The following PPP5C variants were observed in gnomAD, a reference collection of about 807,000 sequenced individuals.
PPP5C encodes the protein serine/threonine-protein phosphatase 5.
In PPP5C, 21 loss-of-function variants were observed where a neutral mutation model predicts 66.7. The ratio of observed to expected loss-of-function variants is 0.31; its 90% CI spans 0.22 to 0.45. The LOEUF is 0.45. Among genes scored for constraint, PPP5C ranks in the 20% least tolerant of loss-of-function variants. The pLI, the probability that PPP5C is intolerant of heterozygous loss-of-function variation, is 1.00. For synonymous variants in PPP5C, 246 were observed against 257.4 expected (o/e 0.96, Z 0.43); for missense variants, 464 against 675.9 (o/e 0.69, Z 3.48).
intron 11 of PPP5C, 119 bp from the exon 12 acceptor site, chr19:46,389,932 C>T (rs1972983126): frequency 2.4e-6 from 2 of 820,074 alleles, no homozygotes; most frequent in African/African-American, 1.7e-5. Flanking sequence ...CCATCTGTGT[C>T]TGTTGTGGCT....
intron 2 of PPP5C, among the ~76,000 whole-genome samples, chr19:46,373,840 TA>T (rs1029139066): frequency 6.6e-6 from 1 of 151,976 alleles, no homozygotes; most frequent in Non-Finnish European, 1.5e-5. Context: ...TGGGGCTTCC[TA>T]GAGGAGGGAT....
In PPP5C at chr19:46,388,579, C is replaced by G. The variant is rs576123813; in HGVS notation, c.1203C>G (p.Gly401=). The G allele has an allele frequency of 6.2e-7, 1 of 1,614,078 alleles. No individual in the cohort carries two copies. Among genetic ancestry groups the G allele is most frequent in the South Asian group, 1.1e-5 (1 of 91,078 alleles). ...ACGGGCGCTCGATCAGCAAGCGGGG[C>G]GTGAGCTGTCAGTTTGGGCCTGACG... ...PQNGRSISKR[G]VSCQFGPDVT... Residue 401 remains glycine (G), a synonymous_variant, in exon 11 of 13, where the codon GGC becomes GGG. Coordinates refer to ENST00000012443, the MANE Select transcript of PPP5C (RefSeq NM_006247.4). The surrounding 1 kb of genome is among the most constrained non-coding windows in gnomAD (Gnocchi z 4.9).
rs1001667077 is a variant in PPP5C, at chr19:46,351,190, C to G, written c.122-2558C>G. ...GGCTGCCTGGGTTCAAACCCTATGT[C>G]TTCCTTTACCTGCTTGATGACGCCT... is the stretch of plus-strand genomic sequence containing the variant. On this transcript the variant is annotated intron_variant, in intron 1 of 12. Coordinates refer to ENST00000012443, the MANE Select transcript of PPP5C (RefSeq NM_006247.4). Among the ~76,000 whole-genome samples the G allele has an allele frequency of 2.6e-5, 4 of 152,316 alleles. No homozygotes were observed. In the East Asian group the frequency reaches 7.7e-4, roughly 29 times the overall value.
At chr19:46,360,030 C>T (rs375851113) in intron 2 of PPP5C, among the ~76,000 whole-genome samples, 1 of 152,042 alleles carries the variant, frequency 6.6e-6, no homozygotes, top group South Asian at 2.1e-4. Flanking sequence ...CCACCTGCCT[C>T]GGCCTCACAG....
chr19:46,389,965 C>T, intron 11 of PPP5C, 86 bp from the exon 12 acceptor site: 1 of 1,218,096 alleles, frequency 8.2e-7, no homozygotes, highest in Non-Finnish European at 1.2e-6. Flanking sequence ...CTCCCTCTGT[C>T]CCTTCTTGCC....
At position 46,386,342 on chromosome 19, in the gene PPP5C, A is replaced by G. The variant is rs187343607; in HGVS notation, c.905-751A>G. Among the ~76,000 whole-genome samples, 10 of 152,288 alleles carry G rather than the reference A, an allele frequency of 6.6e-5. 1 individual carries two copies. The East Asian group carries it at 1.9e-3, about 29-fold the overall frequency. On this transcript the variant is annotated intron_variant, in intron 7 of 12. Transcript: ENST00000012443. ...AGTGATAGGCTGGGGCGAAGCCTGC[A>G]TGCCCGTGTCCCTGGGCTCACAGGG...
At position 46,361,977 on chromosome 19, in the gene PPP5C, C is replaced by G. The variant is rs560818227; in HGVS notation, c.363+7988C>G. On this transcript the variant is annotated intron_variant, in intron 2 of 12. Transcript: ENST00000012443. ...TCCATTCTTTTTTCTCCCTACTTTCCATATCTATTCAGTTTATCTCATTTT... is the reference window on the plus strand; with the variant it reads ...TCCATTCTTTTTTCTCCCTACTTTCGATATCTATTCAGTTTATCTCATTTT... 2.6e-5 allele frequency among the ~76,000 whole-genome samples: 4 copies of G among 152,242 alleles called. No homozygotes were observed. In the East Asian group the frequency reaches 7.7e-4, roughly 29 times the overall value.
intron 7 of PPP5C, among the ~76,000 whole-genome samples, chr19:46,385,961 A>AT (rs1491338138): frequency 1.4e-5 from 1 of 70,484 alleles, no homozygotes; most frequent in African/African-American, 4.6e-5. Flanking sequence ...AAAAAAAAAA[A>AT]AGTAAGAAAC....
intron 4 of PPP5C, among the ~76,000 whole-genome samples, chr19:46,381,212 T>A (rs914451734): frequency 6.6e-6 from 1 of 151,330 alleles, no homozygotes; most frequent in African/African-American, 2.4e-5. Context: ...GTGTTTTTTT[T>A]AATAGACTTT....
chr19:46,369,489 G>A (rs1210977446), intron 2 of PPP5C, among the ~76,000 whole-genome samples: 6 of 151,660 alleles, frequency 4.0e-5, no homozygotes, highest in African/African-American at 9.7e-5. Context: ...AAAATTAGCC[G>A]GGCGTGGTGG....
At chr19:46,385,071 C>A in intron 7 of PPP5C, 162 bp downstream of exon 7, 1 of 601,560 alleles carries the variant, frequency 1.7e-6, no homozygotes, top group Non-Finnish European at 3.0e-6. Flanking sequence ...ACAAAAGCAT[C>A]ACACCAAAGG....
At chr19:46,363,977 A>T (rs547538385) in intron 2 of PPP5C, among the ~76,000 whole-genome samples, 7 of 152,328 alleles carry the variant, frequency 4.6e-5, no homozygotes, top group Admixed American at 3.3e-4. Context: ...AGGTTCACTC[A>T]TGTGATACCA....
intron 2 of PPP5C, among the ~76,000 whole-genome samples, chr19:46,364,036 G>C (rs995230286): frequency 1.3e-5 from 2 of 152,072 alleles, no homozygotes; most frequent in African/African-American, 4.8e-5. Context: ...CAAAGAACAG[G>C]ACTTAGAGGA....
intron 4 of PPP5C, among the ~76,000 whole-genome samples, chr19:46,377,405 G>A (rs190143541): frequency 7.5e-4 from 114 of 152,284 alleles, no homozygotes; most frequent in African/African-American, 2.3e-3. Context: ...TCAGTGCTTC[G>A]AATAGTGCCT....
In PPP5C at chr19:46,376,421, C is replaced by G; in HGVS notation, c.512-32C>G. ...TTCTCCCTCATAGTGGCTGTGGTCACTGACTCTCGTGTCCCGTTGTTCACA... is the reference window on the plus strand; with the variant it reads ...TTCTCCCTCATAGTGGCTGTGGTCAGTGACTCTCGTGTCCCGTTGTTCACA... On this transcript the variant is annotated intron_variant, in intron 3 of 12. Coordinates refer to ENST00000012443, the MANE Select transcript of PPP5C (RefSeq NM_006247.4). The surrounding 1 kb of genome is among the most constrained non-coding windows in gnomAD (Gnocchi z 5.1). 1.2e-6 allele frequency: 2 copies of G among 1,609,318 alleles called. No individual in the cohort carries two copies. The highest frequency in any genetic ancestry group is 4.5e-5 in the East Asian group (2 of 44,754).
chr19:46,388,563 C>T lies in PPP5C; in HGVS notation c.1187C>T (p.Ser396Leu), dbSNP rs750428975. ...WSDPQPQNGR[S>L]ISKRGVSCQF... The stretch of plus-strand genomic sequence containing the variant: ...TCTGCCCACCCTCAGAACGGGCGCT[C>T]GATCAGCAAGCGGGGCGTGAGCTGT... Residue 396 changes from serine (S) to leucine (L), a missense_variant, in exon 11 of 13, where the codon TCG becomes TTG. Coordinates refer to ENST00000012443, the MANE Select transcript of PPP5C (RefSeq NM_006247.4). This position sits in a 1 kb window ranked among gnomAD's most constrained non-coding sequence, Gnocchi z 4.9. 1.6e-5 allele frequency: 26 copies of T among 1,613,948 alleles called. No individual in the cohort carries two copies. Among genetic ancestry groups the T allele is most frequent in the East Asian group, 6.7e-5 (3 of 44,874 alleles).
intron 7 of PPP5C, among the ~76,000 whole-genome samples, chr19:46,386,183 T>A (rs1384994415): frequency 1.3e-5 from 2 of 151,484 alleles, no homozygotes; most frequent in Admixed American, 6.6e-5. Flanking sequence ...GGGATGTGGG[T>A]GGGGTTCCAA....
chr19:46,374,800 C>T (rs1002795607), intron 2 of PPP5C, among the ~76,000 whole-genome samples: 2 of 152,164 alleles, frequency 1.3e-5, no homozygotes, highest in African/African-American at 4.8e-5. Context: ...CAGTGGCCCT[C>T]TTGAGGGAGA....
chr19:46,384,272 T>C (rs1238048340), intron 6 of PPP5C: 3 of 266,640 alleles, frequency 1.1e-5, no homozygotes, highest in Non-Finnish European at 2.2e-5. Flanking sequence ...GTTTCCCCAT[T>C]TGCAAAGAGG....
Sources: gnomAD v4.1 joint callset for allele counts (sites outside exome capture counted in the v4.1 genomes callset) on GRCh38, gnomAD v4.1.1 for gene constraint, Gnocchi (gnomAD v3.1) non-coding constraint, MANE v1.5 for transcripts, NCBI Gene and HGNC (gene_info 2026-07-23, HGNC 2026-07-21) for gene names.